Variants in MAP3K4 observed in about 807,000 individuals in gnomAD.
MAP3K4 encodes mitogen-activated protein kinase kinase kinase 4, also known as MAP three kinase 1.
MAP3K4 carries 67 observed loss-of-function variants against 185.6 expected under a neutral mutation model. The observed-to-expected ratio is 0.36, with a 90% CI of 0.30 to 0.44. MAP3K4 has a LOEUF of 0.44. Ranked by LOEUF, MAP3K4 falls within the 20% of genes least tolerant of loss-of-function variation. The probability of loss-of-function intolerance (pLI) is 1.00; values close to 1 mark genes in which losing one functional copy is unlikely to be tolerated. For synonymous variants in MAP3K4, 702 were observed against 710.4 expected (o/e 0.99, Z 0.19); for missense variants, 1,551 against 1,995.1 (o/e 0.78, Z 4.24).
rs542305661 is a variant in MAP3K4, at chr6:161,088,101, G to T, written c.2823+147G>T. 5 of 708,454 alleles carry T rather than the reference G, an allele frequency of 7.1e-6. No individual in the cohort carries two copies. In the South Asian group the frequency reaches 1.0e-4, roughly 15 times the overall value. The allele number at this position is 708,454 out of a possible 1,614,324, so 43.9% of individuals were successfully genotyped here. A position where few individuals can be genotyped will look rare whatever the true frequency, so the allele number is the denominator to read the frequency against. On this transcript the variant is annotated intron_variant, in intron 10 of 26. Transcript: ENST00000392142. The surrounding 1 kb of genome is among the most constrained non-coding windows in gnomAD (Gnocchi z 4.5). ...AAAATATGCCTCAATGTGTTAATAG[G>T]TCATTTTGCAGCATAATTTGTACAA... is the stretch of plus-strand genomic sequence containing the variant.
intron 1 of MAP3K4, among the ~76,000 whole-genome samples, chr6:160,994,598 G>C (rs35292081): frequency 0.066 from 10,068 of 152,218 alleles, 322 homozygotes; most frequent in Middle Eastern, 0.099. Flanking sequence ...TGCTATAAAC[G>C]TGTGTACATG....
In MAP3K4 at chr6:161,088,147, A is replaced by T. The variant is rs1055468213; in HGVS notation, c.2823+193A>T. Among the ~76,000 whole-genome samples, 1 of 152,164 alleles carries T rather than the reference A, an allele frequency of 6.6e-6. No individual in the cohort carries two copies. Among genetic ancestry groups the T allele is most frequent in the African/African-American group, 2.4e-5 (1 of 41,434 alleles). ...TACAATATATCATTCTGTTAAGTTA[A>T]ATTATACTGGAATACTTGAAATAAA... On this transcript the variant is annotated intron_variant, in intron 10 of 26. Transcript: ENST00000392142. This position sits in a 1 kb window ranked among gnomAD's most constrained non-coding sequence, Gnocchi z 4.5.
In MAP3K4 at chr6:161,088,472, G is replaced by A. The variant is rs765930861; in HGVS notation, c.2823+518G>A. Among the ~76,000 whole-genome samples, 57 of 152,120 alleles carry A rather than the reference G, an allele frequency of 3.7e-4. No individual in the cohort carries two copies. Among genetic ancestry groups the A allele is most frequent in the Admixed American group, 2.1e-3 (32 of 15,262 alleles). On this transcript the variant is annotated intron_variant, in intron 10 of 26. Coordinates refer to ENST00000392142, the MANE Select transcript of MAP3K4 (RefSeq NM_005922.4). This position sits in a 1 kb window ranked among gnomAD's most constrained non-coding sequence, Gnocchi z 4.5. ...TGGTGAGTGTTCATATGCACCTTGA[G>A]CTCAGCCTCACCAGAACTGAGTATA...
At chr6:161,102,051 A>T in intron 18 of MAP3K4, 59 bp downstream of exon 18, 1 of 1,401,810 alleles carries the variant, frequency 7.1e-7, no homozygotes, top group Non-Finnish European at 1.0e-6. Context: ...GTCTCAGTTC[A>T]CCAGTTTCTG....
In MAP3K4 at chr6:161,103,111, G is replaced by A. The variant is rs1777908289; in HGVS notation, c.3856+332G>A. On this transcript the variant is annotated intron_variant, in intron 19 of 26. Coordinates refer to ENST00000392142, the MANE Select transcript of MAP3K4 (RefSeq NM_005922.4). This position sits in a 1 kb window ranked among gnomAD's most constrained non-coding sequence, Gnocchi z 4.6. ...TAACCATTCATAAATTAGACATTGA[G>A]GGAAAGAACTTACGAAGCATGTGAT... 6.6e-6 allele frequency among the ~76,000 whole-genome samples: 1 copy of A among 152,152 alleles called. No individual in the cohort carries two copies. The highest frequency in any genetic ancestry group is 1.5e-5 in the Non-Finnish European group (1 of 68,038).
At position 161,034,163 on chromosome 6, in the gene MAP3K4, A is replaced by G; in HGVS notation, c.153-96A>G. 11 of 1,018,386 alleles carry G rather than the reference A, an allele frequency of 1.1e-5. No homozygotes were observed. In the South Asian group the frequency reaches 2.1e-4, roughly 19 times the overall value. 63.1% of individuals were successfully genotyped at this position (1,018,386 alleles called of 1,614,324 possible). ...CAGTGCTGAAGAGATTTTTCTGTACAAAAGTTTTACAAAGAATTATTTAAA... is the reference window on the plus strand; with the variant it reads ...CAGTGCTGAAGAGATTTTTCTGTACGAAAGTTTTACAAAGAATTATTTAAA... On this transcript the variant is annotated intron_variant, in intron 1 of 26. Transcript: ENST00000392142. The surrounding 1 kb of genome is among the most constrained non-coding windows in gnomAD (Gnocchi z 4.4).
chr6:161,033,034 A>G (rs184046329), intron 1 of MAP3K4, among the ~76,000 whole-genome samples: 119 of 152,270 alleles, frequency 7.8e-4, no homozygotes, highest in African/African-American at 2.6e-3. Flanking sequence ...TATTTTTCAA[A>G]AGGTAATTTA....
At position 161,115,454 on chromosome 6, in the gene MAP3K4, G is replaced by A. The variant is rs972557362; in HGVS notation, c.4806+152G>A. The A allele has an allele frequency of 1.8e-5, 14 of 782,878 alleles. No individual in the cohort carries two copies. Among genetic ancestry groups the A allele is most frequent in the South Asian group, 4.3e-5 (2 of 46,354 alleles). 48.5% of individuals were successfully genotyped at this position (782,878 alleles called of 1,614,324 possible). ...TATTATGCCAGGGATTTTTGTATGT[G>A]TTTTTTCATTTGGAAAATGTTCATT... On this transcript the variant is annotated intron_variant, in intron 26 of 26. Coordinates refer to ENST00000392142, the MANE Select transcript of MAP3K4 (RefSeq NM_005922.4). The surrounding 1 kb of genome is among the most constrained non-coding windows in gnomAD (Gnocchi z 6.0).
At position 161,102,706 on chromosome 6, in the gene MAP3K4, A is replaced by G; in HGVS notation, c.3783A>G (p.Ala1261=). The change falls in exon 19 of 27, where the codon GCA becomes GCG. Residue 1261 remains alanine (A), a synonymous_variant. Coordinates refer to ENST00000392142, the MANE Select transcript of MAP3K4 (RefSeq NM_005922.4). ...AAAAATAACTTCCTGCAGAACCAGC[A>G]TATCCAAGAGGAGATTCAAGTGGGT... The part of the protein sequence containing the change: ...SSPTEERDEP[A]YPRGDSSGST... The G allele has an allele frequency of 6.3e-7, 1 of 1,583,988 alleles. No homozygotes were observed. Among genetic ancestry groups the G allele is most frequent in the African/African-American group, 1.4e-5 (1 of 73,322 alleles).
At chr6:161,040,021 A>G (rs1269540911) in intron 2 of MAP3K4, among the ~76,000 whole-genome samples, 2 of 152,168 alleles carry the variant, frequency 1.3e-5, no homozygotes, top group Non-Finnish European at 2.9e-5. Flanking sequence ...GAATTGCTGT[A>G]TTGAATGGTA....
intron 5 of MAP3K4, among the ~76,000 whole-genome samples, chr6:161,079,516 G>A (rs1157509596): frequency 6.6e-6 from 1 of 152,206 alleles, no homozygotes; most frequent in African/African-American, 2.4e-5. Flanking sequence ...GGCAGAGGTT[G>A]CGGTGAGCCG....
At chr6:161,065,270 A>G (rs1784656761) in intron 3 of MAP3K4, among the ~76,000 whole-genome samples, 1 of 152,126 alleles carries the variant, frequency 6.6e-6, no homozygotes, top group Non-Finnish European at 1.5e-5. Context: ...AAATTATGAG[A>G]ATTTACTATG....
Position 161,073,730 on chromosome 6 carries a change from T to G in MAP3K4, c.2097+118T>G. ...GCATACATATTCAGATAAACTTCTCTAGTAATGAATTATAGAAATGATCCC... is the reference window on the plus strand; with the variant it reads ...GCATACATATTCAGATAAACTTCTCGAGTAATGAATTATAGAAATGATCCC... On this transcript the variant is annotated intron_variant, in intron 5 of 26. Coordinates refer to ENST00000392142, the MANE Select transcript of MAP3K4 (RefSeq NM_005922.4). This position sits in a 1 kb window ranked among gnomAD's most constrained non-coding sequence, Gnocchi z 4.2. 4.9e-6 allele frequency: 5 copies of G among 1,014,190 alleles called. No homozygotes were observed. Among genetic ancestry groups the G allele is most frequent in the Non-Finnish European group, 7.0e-6 (5 of 714,808 alleles). 62.8% of individuals were successfully genotyped at this position (1,014,190 alleles called of 1,614,324 possible).
chr6:161,081,418 A>T (rs1785450788), intron 6 of MAP3K4, among the ~76,000 whole-genome samples: 1 of 152,074 alleles, frequency 6.6e-6, no homozygotes, highest in South Asian at 2.1e-4. Context: ...TTTTCCCCCT[A>T]ATAAAAGGAA....
At chr6:161,079,940 T>G (rs1277166676) in intron 5 of MAP3K4, among the ~76,000 whole-genome samples, 1 of 152,194 alleles carries the variant, frequency 6.6e-6, no homozygotes, top group Non-Finnish European at 1.5e-5. Flanking sequence ...GTCTGAGATG[T>G]AGCCTGGTGA....
Position 161,098,553 on chromosome 6 carries a change from C to T in MAP3K4, c.3674+126C>T, listed in dbSNP as rs1777684197. ...TTTGCTGTGGCGTGTGAGTGATGCT[C>T]TAGGGCCTTCCGCAGGTTGTCACGG... On this transcript the variant is annotated intron_variant, in intron 17 of 26. Coordinates refer to ENST00000392142, the MANE Select transcript of MAP3K4 (RefSeq NM_005922.4). The surrounding 1 kb of genome is among the most constrained non-coding windows in gnomAD (Gnocchi z 4.4). The T allele has an allele frequency of 1.8e-6, 2 of 1,127,928 alleles. No individual in the cohort carries two copies. The highest frequency in any genetic ancestry group is 1.6e-5 in the African/African-American group (1 of 63,416). The allele number at this position is 1,127,928 out of a possible 1,614,324, so 69.9% of individuals were successfully genotyped here.
rs5881391 is a variant in MAP3K4 at position 161,098,318 on chromosome 6, CCTGCTGCTG to C, written c.3590_3598del (p.Ala1197_Ala1199del). 5.1e-5 allele frequency: 78 copies of C among 1,516,044 alleles called. No individual in the cohort carries two copies. The highest frequency in any genetic ancestry group is 4.2e-5 in the Non-Finnish European group (47 of 1,107,032). The allele number at this position is 1,516,044 out of a possible 1,614,324, so 93.9% of individuals were successfully genotyped here. On this transcript the variant is annotated inframe_deletion, in exon 17 of 27. Coordinates refer to ENST00000392142, the MANE Select transcript of MAP3K4 (RefSeq NM_005922.4). This position sits in a 1 kb window ranked among gnomAD's most constrained non-coding sequence, Gnocchi z 4.4. The stretch of plus-strand genomic sequence containing the variant: ...TTCCGACGCGCGGAGCCATGGCAGC[CCTGCTGCTG>C]CTGCTGCTGCTGCTGCTGCTGCTGT...
chr6:161,005,874 G>C (rs1781559482), intron 1 of MAP3K4, among the ~76,000 whole-genome samples: 2 of 132,244 alleles, frequency 1.5e-5, no homozygotes, highest in South Asian at 4.8e-4. Flanking sequence ...TGCAACCTCT[G>C]CCTCCGAGGT....
chr6:161,079,674 T>C lies in MAP3K4; in HGVS notation c.2098-1207T>C, dbSNP rs1785353373. Among the ~76,000 whole-genome samples the C allele has an allele frequency of 1.3e-5, 2 of 151,866 alleles. 1 individual carries two copies. Among genetic ancestry groups the C allele is most frequent in the South Asian group, 4.2e-4 (2 of 4,812 alleles). On this transcript the variant is annotated intron_variant, in intron 5 of 26. Transcript: ENST00000392142. The stretch of plus-strand genomic sequence containing the variant: ...AGGAAAAACACGGAGATGGGGGAGC[T>C]CACCAAGAAGTGAAAGGGCGGTTCT...
Sources: gnomAD v4.1 joint callset for allele counts (sites outside exome capture counted in the v4.1 genomes callset) on GRCh38, gnomAD v4.1.1 for gene constraint, Gnocchi (gnomAD v3.1) non-coding constraint, MANE v1.5 for transcripts, NCBI Gene and HGNC (gene_info 2026-07-23, HGNC 2026-07-21) for gene names.